Variants in PPFIA4 observed in about 807,000 individuals in gnomAD.
PPFIA4 encodes the protein PPFI scaffold protein A4, also known as liprin-alpha-4.
A neutral mutation model predicts 145.7 loss-of-function variants in PPFIA4; 98 were observed. The ratio of observed to expected loss-of-function variants is 0.67; its 90% CI spans 0.57 to 0.80. The LOEUF (loss-of-function observed/expected upper bound fraction) is 0.80, where lower values mean the gene tolerates loss of function less well. Among genes scored for constraint, PPFIA4 ranks in the 30% least tolerant of loss-of-function variants. The probability of loss-of-function intolerance (pLI) is 0.00; values close to 1 mark genes in which losing one functional copy is unlikely to be tolerated. For missense variants in PPFIA4, 1,457 were observed against 1,632.7 expected, an observed-to-expected ratio of 0.89 and a Z score of 1.85; for synonymous variants, 628 against 649.6, an observed-to-expected ratio of 0.97 and a Z score of 0.51.
chr1:203,038,941 C>T lies in PPFIA4; in HGVS notation c.-68C>T. ...TCTGAGACCCATGCACTGGGTTCCC[C>T]TGGAGGTGCCAACCCTGTGAGTCCC... On this transcript the variant is annotated 5_prime_UTR_variant, in exon 2 of 30. Coordinates refer to ENST00000295706, the MANE Select transcript of PPFIA4 (RefSeq NM_001304331.2). 1 of 835,144 alleles carries T rather than the reference C, an allele frequency of 1.2e-6. No individual in the cohort carries two copies. Among genetic ancestry groups the T allele is most frequent in the East Asian group, 2.6e-5 (1 of 37,750 alleles). The allele number at this position is 835,144 out of a possible 1,614,324, so 51.7% of individuals were successfully genotyped here. A position where few individuals can be genotyped will look rare whatever the true frequency, so the allele number is the denominator to read the frequency against.
Position 203,076,476 on chromosome 1 carries a change from G to C in PPFIA4, c.*86G>C. ...CCTCTTGCTCGTTCCCCTTCCTTCC[G>C]CAGCTCCTAGTCTCGTCCGTGACTT... On this transcript the variant is annotated 3_prime_UTR_variant, in exon 30 of 30. Transcript: ENST00000295706. 1 of 1,320,082 alleles carries C rather than the reference G, an allele frequency of 7.6e-7. No individual in the cohort carries two copies. Among genetic ancestry groups the C allele is most frequent in the Middle Eastern group, 1.8e-4 (1 of 5,486 alleles). 81.8% of individuals were successfully genotyped at this position (1,320,082 alleles called of 1,614,324 possible).
At position 203,051,912 on chromosome 1, in the gene PPFIA4, G is replaced by A. The variant is rs775898470; in HGVS notation, c.1620+35G>A. The A allele has an allele frequency of 6.9e-6, 11 of 1,600,370 alleles. No homozygotes were observed. The South Asian group carries it at 1.1e-4, about 16-fold the overall frequency. ...TGGAGGGATCTCCTCAGGGAGTTTG[G>A]GGTCAATTCGGCCGCGTGCCTGGCT... On this transcript the variant is annotated intron_variant, in intron 14 of 29. Coordinates refer to ENST00000295706, the MANE Select transcript of PPFIA4 (RefSeq NM_001304331.2).
intron 25 of PPFIA4, 22 bp downstream of exon 25, chr1:203,064,025 G>C (rs769196756): frequency 3.7e-6 from 6 of 1,603,030 alleles, no homozygotes; most frequent in South Asian, 2.2e-5. Flanking sequence ...TGGGACCCAG[G>C]GCCACCTCCC....
intron 8 of PPFIA4, 117 bp downstream of exon 8, chr1:203,046,104 G>A: frequency 6.4e-7 from 1 of 1,559,612 alleles, no homozygotes; most frequent in Non-Finnish European, 8.7e-7. Context: ...CCTTTGAAAG[G>A]GGAAGTCAGG....
rs758980105 is a variant in PPFIA4 at position 203,045,854 on chromosome 1, A to T, written c.872A>T (p.Lys291Met). The change falls in exon 8 of 30, where the codon AAG (lysine) becomes ATG (methionine). Residue 291 changes from lysine to methionine, a missense_variant. Lys to Met is a moderately conservative substitution (Grantham distance 95). Transcript: ENST00000295706. ...CTCTTCTCCCAGGCTCTGGCCCAGA[A>T]GGAGGACATGGAAGAGCGGATTACT... ...QRDLREALAQ[K>M]EDMEERITTL... 3.7e-6 allele frequency: 6 copies of T among 1,612,862 alleles called. No individual in the cohort carries two copies. The Admixed American group carries it at 1.0e-4, about 27-fold the overall frequency.
intron 19 of PPFIA4, among the ~76,000 whole-genome samples, chr1:203,058,285 T>C (rs1199160966): frequency 1.3e-5 from 2 of 151,086 alleles, no homozygotes; most frequent in African/African-American, 4.9e-5. Context: ...CAGGGAGAGG[T>C]CTGTGTGTGA....
At chr1:203,038,060 C>G (rs1659426495) in intron 1 of PPFIA4, among the ~76,000 whole-genome samples, 1 of 152,216 alleles carries the variant, frequency 6.6e-6, no homozygotes, top group African/African-American at 2.4e-5. Flanking sequence ...TCTCCAAACC[C>G]TTAGCCATGT....
chr1:203,059,620 G>T, intron 20 of PPFIA4, 150 bp from the exon 21 acceptor site: 1 of 688,488 alleles, frequency 1.5e-6, no homozygotes. Context: ...TATTTCTTCA[G>T]AGGAAGAAGG....
intron 1 of PPFIA4, among the ~76,000 whole-genome samples, chr1:203,028,919 G>A (rs1658628069): frequency 6.6e-6 from 1 of 152,160 alleles, no homozygotes; most frequent in South Asian, 2.1e-4. Flanking sequence ...GCTCACAGGA[G>A]CGTGGGACTT....
chr1:203,035,056 T>C (rs964344412), intron 1 of PPFIA4, among the ~76,000 whole-genome samples: 3 of 152,244 alleles, frequency 2.0e-5, no homozygotes, highest in African/African-American at 7.2e-5. Context: ...ACATGGTAAA[T>C]GTGAGTGACT....
chr1:203,063,438 A>C (rs1246252494), intron 24 of PPFIA4: 1 of 189,038 alleles, frequency 5.3e-6, no homozygotes, highest in African/African-American at 2.4e-5. Context: ...CCTCTGTAAC[A>C]CAGCCTCTCC....
chr1:203,030,181 C>G (rs1479567571), intron 1 of PPFIA4, among the ~76,000 whole-genome samples: 1 of 152,132 alleles, frequency 6.6e-6, no homozygotes. Flanking sequence ...GAAGGATAAT[C>G]AAGTCAAGAC....
intron 1 of PPFIA4, among the ~76,000 whole-genome samples, chr1:203,031,760 C>T (rs899227702): frequency 1.3e-5 from 2 of 152,164 alleles, no homozygotes; most frequent in African/African-American, 4.8e-5. Context: ...ATGCTTATTA[C>T]TTTGTTTCTT....
At chr1:203,063,607 G>A (rs1210457593) in intron 24 of PPFIA4, 1 of 512,828 alleles carries the variant, frequency 1.9e-6, no homozygotes, top group Non-Finnish European at 3.5e-6. Flanking sequence ...TATGTGAGTG[G>A]AACCGTATCA....
At chr1:203,042,758 T>G (rs945559172) in intron 2 of PPFIA4, among the ~76,000 whole-genome samples, 4 of 142,714 alleles carry the variant, frequency 2.8e-5, no homozygotes, top group Non-Finnish European at 6.2e-5. Flanking sequence ...TGCCTCAGCC[T>G]CTGGAGTAGC....
In PPFIA4 at chr1:203,048,560, G is replaced by C; in HGVS notation, c.1225-23G>C. The C allele has an allele frequency of 6.4e-7, 1 of 1,564,642 alleles. No homozygotes were observed. ...TGGTCCTCCCTGGGAGGGCGGCCTG[G>C]TGCGAGGCAGACGGCTGTGCAGGTG... On this transcript the variant is annotated intron_variant, in intron 10 of 29. Coordinates refer to ENST00000295706, the MANE Select transcript of PPFIA4 (RefSeq NM_001304331.2). The surrounding 1 kb of genome is among the most constrained non-coding windows in gnomAD (Gnocchi z 5.8).
chr1:203,061,483 T>G (rs2102674322), intron 23 of PPFIA4, 169 bp from the exon 24 acceptor site: 1 of 640,544 alleles, frequency 1.6e-6, no homozygotes, highest in East Asian at 3.1e-5. Flanking sequence ...CAAACATGGG[T>G]GCACACACCA....
In PPFIA4 at chr1:203,060,527, T is replaced by C; in HGVS notation, c.2784+110T>C. 1 of 1,129,126 alleles carries C rather than the reference T, an allele frequency of 8.9e-7. No homozygotes were observed. Among genetic ancestry groups the C allele is most frequent in the South Asian group, 1.4e-5 (1 of 72,162 alleles). The allele number at this position is 1,129,126 out of a possible 1,614,324, so 69.9% of individuals were successfully genotyped here. Reference sequence around the variant, plus strand: ...GGCAGCATTGAGCCCTGCCCCTTCCTTCCCATCCTCACAAAGGGCTCTCCC... The same window carrying C: ...GGCAGCATTGAGCCCTGCCCCTTCCCTCCCATCCTCACAAAGGGCTCTCCC... On this transcript the variant is annotated intron_variant, in intron 22 of 29. Transcript: ENST00000295706. This position sits in a 1 kb window ranked among gnomAD's most constrained non-coding sequence, Gnocchi z 4.8.
At chr1:203,033,647 T>C (rs1273433319) in intron 1 of PPFIA4, among the ~76,000 whole-genome samples, 2 of 152,094 alleles carry the variant, frequency 1.3e-5, no homozygotes, top group Non-Finnish European at 2.9e-5. Flanking sequence ...GAGTCTGCCT[T>C]TCAAGACAGG....
Sources: gnomAD v4.1 joint callset for allele counts (sites outside exome capture counted in the v4.1 genomes callset) on GRCh38, gnomAD v4.1.1 for gene constraint, Gnocchi (gnomAD v3.1) non-coding constraint, MANE v1.5 for transcripts, NCBI Gene and HGNC (gene_info 2026-07-23, HGNC 2026-07-21) for gene names.